Variants in BTBD10 observed in about 807,000 individuals in gnomAD.
BTBD10 encodes the protein BTB domain containing 10, also known as BTB/POZ domain-containing protein 10.
A neutral mutation model predicts 53.2 loss-of-function variants in BTBD10; 21 were observed. That is an observed-to-expected ratio of 0.39 (90% CI 0.28 to 0.57). BTBD10 has a LOEUF of 0.57. Among genes scored for constraint, BTBD10 ranks in the 20% least tolerant of loss-of-function variants. The pLI, the probability that BTBD10 is intolerant of heterozygous loss-of-function variation, is 0.53. For synonymous variants in BTBD10, 149 were observed against 192.7 expected (o/e 0.77, Z 1.88); for missense variants, 360 against 594.7 (o/e 0.61, Z 4.10).
At chr11:13,408,158 A>C (rs1284833709) in intron 6 of BTBD10, among the ~76,000 whole-genome samples, 1 of 152,220 alleles carries the variant, frequency 6.6e-6, no homozygotes, top group Non-Finnish European at 1.5e-5. Context: ...AGTTTATGCT[A>C]AGCTTGGGGT....
intron 1 of BTBD10, among the ~76,000 whole-genome samples, chr11:13,450,632 T>G (rs952907235): frequency 2.6e-5 from 4 of 152,158 alleles, no homozygotes; most frequent in Non-Finnish European, 4.4e-5. Flanking sequence ...GACAGAGAAC[T>G]GAACAGTCAT....
At chr11:13,436,117 A>G (rs1226919495) in intron 2 of BTBD10, among the ~76,000 whole-genome samples, 1 of 152,190 alleles carries the variant, frequency 6.6e-6, no homozygotes, top group African/African-American at 2.4e-5. Context: ...CTTCATCTAC[A>G]AAGTGTCCTC....
At chr11:13,402,965 G>C (rs2135765636) in intron 8 of BTBD10, among the ~76,000 whole-genome samples, 1 of 152,244 alleles carries the variant, frequency 6.6e-6, no homozygotes, top group African/African-American at 2.4e-5. Context: ...GAATCTTATG[G>C]AATAACAATT....
At chr11:13,422,329 G>A (rs1389841312) in intron 2 of BTBD10, among the ~76,000 whole-genome samples, 1 of 151,318 alleles carries the variant, frequency 6.6e-6, no homozygotes, top group Non-Finnish European at 1.5e-5. Context: ...AAAACACTAT[G>A]ATTTTTTTTT....
intron 6 of BTBD10, among the ~76,000 whole-genome samples, chr11:13,408,537 C>T (rs965182797): frequency 6.6e-6 from 1 of 152,158 alleles, no homozygotes; most frequent in African/African-American, 2.4e-5. Flanking sequence ...GACATGTATA[C>T]CCAATGCTCC....
intron 8 of BTBD10, among the ~76,000 whole-genome samples, chr11:13,394,312 T>C (rs976474703): frequency 2.6e-5 from 4 of 152,146 alleles, no homozygotes; most frequent in African/African-American, 9.7e-5. Context: ...TCTACCATGC[T>C]GTTCTTGTGA....
rs750632936 is a variant in BTBD10, at chr11:13,388,860, C to A, written c.1399G>T (p.Asp467Tyr). 6.2e-7 allele frequency: 1 copy of A among 1,613,682 alleles called. No homozygotes were observed. The highest frequency in any genetic ancestry group is 8.5e-7 in the Non-Finnish European group (1 of 1,179,712). ...IHPPSGNSDL[D>Y]PDAQNPML Reference sequence around the variant, plus strand: ...AGCATTGGATTCTGTGCATCAGGATCGAGGTCACTGTTGCCAGAAGGGGGA... The same window carrying A: ...AGCATTGGATTCTGTGCATCAGGATAGAGGTCACTGTTGCCAGAAGGGGGA... The change falls in exon 9 of 9, where the codon GAT (aspartate) becomes TAT (tyrosine). Residue 467 changes from aspartate to tyrosine, a missense_variant. Coordinates refer to ENST00000278174, the MANE Select transcript of BTBD10 (RefSeq NM_032320.7).
At chr11:13,389,886 A>G (rs1166135307) in intron 8 of BTBD10, among the ~76,000 whole-genome samples, 1 of 152,146 alleles carries the variant, frequency 6.6e-6, no homozygotes, top group Non-Finnish European at 1.5e-5. Flanking sequence ...ACAGCTGTCC[A>G]GGTGGTTCTA....
At chr11:13,433,730 G>A (rs182508916) in intron 2 of BTBD10, among the ~76,000 whole-genome samples, 1 of 152,150 alleles carries the variant, frequency 6.6e-6, no homozygotes, top group Non-Finnish European at 1.5e-5. Flanking sequence ...TGACAAAGTT[G>A]AGTGGTTAGG....
At position 13,406,514 on chromosome 11, in the gene BTBD10, T is replaced by G. The variant is rs995618002; in HGVS notation, c.809-658A>C. 4.6e-5 allele frequency among the ~76,000 whole-genome samples: 7 copies of G among 151,762 alleles called. No homozygotes were observed. The East Asian group carries it at 1.4e-3, about 29-fold the overall frequency. The stretch of plus-strand genomic sequence containing the variant: ...AAGAACTACTGCTACTGCATCAGCC[T>G]GGAGAGCGAAGTTAAAGAAGCAACC... On this transcript the variant is annotated intron_variant, in intron 6 of 8. Transcript: ENST00000278174.
At chr11:13,443,961 T>C in intron 2 of BTBD10, among the ~76,000 whole-genome samples, 1 of 152,050 alleles carries the variant, frequency 6.6e-6, no homozygotes, top group East Asian at 1.9e-4. Flanking sequence ...CCAGTTTGGA[T>C]GCTGACACAC....
chr11:13,409,111 G>A (rs1399332880), intron 6 of BTBD10, among the ~76,000 whole-genome samples: 1 of 151,944 alleles, frequency 6.6e-6, no homozygotes, highest in Non-Finnish European at 1.5e-5. Flanking sequence ...TTACCTCTCC[G>A]ACCACATTTC....
chr11:13,446,267 G>A (rs1250943504), intron 1 of BTBD10, among the ~76,000 whole-genome samples: 1 of 152,052 alleles, frequency 6.6e-6, no homozygotes, highest in South Asian at 2.1e-4. Flanking sequence ...GTGAGGTAGA[G>A]TTGTACATAA....
chr11:13,421,536 C>CT (rs1950242135), intron 3 of BTBD10, 106 bp downstream of exon 3: 1 of 937,242 alleles, frequency 1.1e-6, no homozygotes, highest in Non-Finnish European at 1.5e-6. Flanking sequence ...ATAGAAGCAG[C>CT]TAATTTTACT....
At chr11:13,419,410 A>G in intron 4 of BTBD10, 50 bp downstream of exon 4, 1 of 1,573,070 alleles carries the variant, frequency 6.4e-7, no homozygotes, top group Non-Finnish European at 8.6e-7. Context: ...AAATAATGGC[A>G]GTAAAAGCAC....
intron 3 of BTBD10, among the ~76,000 whole-genome samples, chr11:13,421,330 C>T (rs1342707038): frequency 6.6e-6 from 1 of 152,156 alleles, no homozygotes; most frequent in Non-Finnish European, 1.5e-5. Context: ...TTACTACAAA[C>T]TATTGCTATA....
At chr11:13,451,717 C>A (rs1302869483) in intron 1 of BTBD10, among the ~76,000 whole-genome samples, 1 of 152,058 alleles carries the variant, frequency 6.6e-6, no homozygotes, top group Non-Finnish European at 1.5e-5. Context: ...ATAAGACATG[C>A]AAAAAATTAA....
rs572578084 is a variant in BTBD10, at chr11:13,406,757, AATTATAT to A, written c.809-908_809-902del. On this transcript the variant is annotated intron_variant, in intron 6 of 8. Coordinates refer to ENST00000278174, the MANE Select transcript of BTBD10 (RefSeq NM_032320.7). ...TTTCCTCCCTACAAGATGTCTCTAT[AATTATAT>A]ATTATATAATAAACACTATATAATT... Among the ~76,000 whole-genome samples the A allele has an allele frequency of 5.2e-3, 794 of 151,786 alleles. 7 individuals are homozygous for A. Among genetic ancestry groups the A allele is most frequent in the African/African-American group, 0.017 (721 of 41,456 alleles).
intron 6 of BTBD10, among the ~76,000 whole-genome samples, chr11:13,413,150 C>T (rs577508296): frequency 2.0e-5 from 3 of 151,984 alleles, no homozygotes; most frequent in South Asian, 2.1e-4. Flanking sequence ...TATTATCACA[C>T]GTGGTAATAC....
Sources: allele counts gnomAD v4.1 joint callset (sites outside exome capture counted in the v4.1 genomes callset), GRCh38; gene constraint gnomAD v4.1.1; transcripts MANE v1.5; gene names NCBI Gene and HGNC (gene_info 2026-07-23, HGNC 2026-07-21).